Variants in ENTREP2 observed in about 807,000 individuals in gnomAD.
The protein encoded by ENTREP2 is endosomal transmembrane epsin interactor 2, also known as protein ENTREP2.
chr15:29,478,014 TATA>T, the ENTREP2 span, among the ~76,000 whole-genome samples: 1,738 of 64,222 alleles, frequency 0.027, 99 homozygotes, highest in African/African-American at 0.095. Flanking sequence ...TATATATATA[TATA>T]TATTTTTTTT....
the ENTREP2 span, among the ~76,000 whole-genome samples, chr15:29,258,763 A>C: frequency 5.3e-5 from 8 of 152,198 alleles, no homozygotes; most frequent in Admixed American, 3.3e-4. Context: ...AGCCCCTAGC[A>C]ATCACCACCA....
At chr15:29,646,338 C>T in the ENTREP2 span, among the ~76,000 whole-genome samples, 5 of 152,108 alleles carry the variant, frequency 3.3e-5, no homozygotes, top group Non-Finnish European at 5.9e-5. Flanking sequence ...TCTGAAGGCT[C>T]GAGGAATAAC....
At chr15:29,259,966 C>T in the ENTREP2 span, among the ~76,000 whole-genome samples, 2 of 152,186 alleles carry the variant, frequency 1.3e-5, no homozygotes, top group East Asian at 1.9e-4. Flanking sequence ...CTGCCCTTTC[C>T]GTTTTAACTG....
chr15:29,258,262 TA>T, the ENTREP2 span, among the ~76,000 whole-genome samples: 6 of 150,840 alleles, frequency 4.0e-5, no homozygotes, highest in Non-Finnish European at 7.4e-5. Flanking sequence ...AGGGCCAACT[TA>T]AATTTTTCAT....
chr15:29,514,236 T>TC, the ENTREP2 span, among the ~76,000 whole-genome samples: 1 of 152,110 alleles, frequency 6.6e-6, no homozygotes, highest in South Asian at 2.1e-4. Context: ...CCTTTCCCCC[T>TC]CCCTCCAGCC....
chr15:29,301,960 A>AT, the ENTREP2 span, among the ~76,000 whole-genome samples: 1 of 152,098 alleles, frequency 6.6e-6, no homozygotes, highest in East Asian at 1.9e-4. Flanking sequence ...TGAGCAATAA[A>AT]TGTCTATGGT....
At chr15:29,417,881 C>T in the ENTREP2 span, among the ~76,000 whole-genome samples, 9 of 152,214 alleles carry the variant, frequency 5.9e-5, no homozygotes, top group South Asian at 1.9e-3. Flanking sequence ...GAAAACTCTA[C>T]AGTTCTGTTT....
chr15:29,253,655 A>G, the ENTREP2 span, among the ~76,000 whole-genome samples: 2 of 152,012 alleles, frequency 1.3e-5, no homozygotes, highest in African/African-American at 4.8e-5. Flanking sequence ...GTTGGCCAGG[A>G]CGGTCTCGAT....
At chr15:29,449,253 G>A in the ENTREP2 span, among the ~76,000 whole-genome samples, 5 of 152,228 alleles carry the variant, frequency 3.3e-5, no homozygotes, top group African/African-American at 4.8e-5. Flanking sequence ...GAAGGCAGGT[G>A]TGACATCCAA....
the ENTREP2 span, among the ~76,000 whole-genome samples, chr15:29,661,893 C>G: frequency 7.2e-5 from 11 of 152,216 alleles, no homozygotes; most frequent in Non-Finnish European, 1.5e-4. Flanking sequence ...CCATGTCTAC[C>G]TAAGACATCA....
chr15:29,293,305 C>T, the ENTREP2 span, among the ~76,000 whole-genome samples: 1 of 151,954 alleles, frequency 6.6e-6, no homozygotes, highest in East Asian at 1.9e-4. Context: ...GGCTGGAGTG[C>T]AGTGGCACAA....
chr15:29,192,010 C>T, the ENTREP2 span, among the ~76,000 whole-genome samples: 1 of 152,192 alleles, frequency 6.6e-6, no homozygotes, highest in Non-Finnish European at 1.5e-5. Flanking sequence ...GCACTGCCAT[C>T]ACCTCTACTC....
At chr15:29,173,944 C>CAAA in the ENTREP2 span, among the ~76,000 whole-genome samples, 9 of 78,688 alleles carry the variant, frequency 1.1e-4, no homozygotes, top group African/African-American at 3.5e-4. Flanking sequence ...TCTGGATAGC[C>CAAA]AAAAAAAAAA....
At chr15:29,314,090 G>A in the ENTREP2 span, among the ~76,000 whole-genome samples, 1 of 152,194 alleles carries the variant, frequency 6.6e-6, no homozygotes, top group Non-Finnish European at 1.5e-5. Context: ...AAACTTTAAT[G>A]GACAAGCAGC....
chr15:29,444,474 TC>T, the ENTREP2 span, among the ~76,000 whole-genome samples: 7 of 101,174 alleles, frequency 6.9e-5, no homozygotes, highest in African/African-American at 3.2e-5. Flanking sequence ...TTTCTTTTTT[TC>T]TTTTTTTTCT....
the ENTREP2 span, among the ~76,000 whole-genome samples, chr15:29,244,667 A>G: frequency 1.3e-5 from 2 of 152,206 alleles, no homozygotes; most frequent in African/African-American, 2.4e-5. Context: ...TATAAAAACA[A>G]CTGATGGAAA....
the ENTREP2 span, among the ~76,000 whole-genome samples, chr15:29,281,844 T>C: frequency 6.6e-6 from 1 of 152,326 alleles, no homozygotes; most frequent in South Asian, 2.1e-4. Flanking sequence ...CCACTCCACC[T>C]GTCTCTGAGA....
the ENTREP2 span, among the ~76,000 whole-genome samples, chr15:29,274,274 T>C: frequency 3.9e-5 from 6 of 152,186 alleles, no homozygotes; most frequent in African/African-American, 1.4e-4. Flanking sequence ...GGCATGTGCA[T>C]TTATTATGTT....
chr15:29,344,750 A>G, the ENTREP2 span, among the ~76,000 whole-genome samples: 2 of 152,054 alleles, frequency 1.3e-5, no homozygotes, highest in Admixed American at 6.6e-5. Context: ...CGTGTCCCCA[A>G]GCATCCACAG....
Sources: allele counts gnomAD v4.1 joint callset (sites outside exome capture counted in the v4.1 genomes callset), GRCh38; gene constraint gnomAD v4.1.1; transcripts MANE v1.5; gene names NCBI Gene and HGNC (gene_info 2026-07-23, HGNC 2026-07-21).